Variants in GCFC2 observed in about 807,000 individuals in gnomAD.
GCFC2 encodes GC-rich sequence DNA-binding factor 2, also known as intron Large complex component GCFC2.
GCFC2 carries 102 observed loss-of-function variants against 99.4 expected under a neutral mutation model. The observed-to-expected ratio is 1.03, with a 90% CI of 0.87 to 1.21. The LOEUF is 1.21. Among genes scored for constraint, GCFC2 ranks in the 50% most tolerant of loss-of-function variants. GCFC2 has a pLI of 0.00. For missense variants in GCFC2, 973 were observed against 920.9 expected, an observed-to-expected ratio of 1.06 and a Z score of -0.73; for synonymous variants, 338 against 316.8, an observed-to-expected ratio of 1.07 and a Z score of -0.71.
chr2:75,691,609 G>C (rs1472712616), intron 7 of GCFC2, among the ~76,000 whole-genome samples: 2 of 151,898 alleles, frequency 1.3e-5, no homozygotes, highest in Non-Finnish European at 2.9e-5. Context: ...TATATAATGA[G>C]ATCTTAAAAT....
intron 7 of GCFC2, chr2:75,690,944 T>C (rs10207888): frequency 2.6e-6 from 1 of 385,942 alleles, no homozygotes; most frequent in Non-Finnish European, 4.6e-6. Flanking sequence ...CTTTGGCTGG[T>C]GTACTTTTGC....
intron 14 of GCFC2, chr2:75,670,633 G>T (rs62148722): frequency 9.1e-5 from 15 of 164,446 alleles, no homozygotes; most frequent in South Asian, 1.7e-4. Flanking sequence ...AAGAACTACT[G>T]TCAAAACTAG....
In GCFC2 at chr2:75,684,301, A is replaced by C. The variant is rs191643881; in HGVS notation, c.1690+3526T>G. ...AGTCTCTCAGACCACAGTACAATCA[A>C]ATTAGAACTCAAGATTAAGAAACTC... On this transcript the variant is annotated intron_variant, in intron 11 of 16. Transcript: ENST00000321027. 1.5e-4 allele frequency among the ~76,000 whole-genome samples: 23 copies of C among 152,352 alleles called. No homozygotes were observed. In the East Asian group the frequency reaches 3.9e-3, roughly 26 times the overall value.
At chr2:75,691,776 A>C (rs1242395008) in intron 7 of GCFC2, among the ~76,000 whole-genome samples, 1 of 152,186 alleles carries the variant, frequency 6.6e-6, no homozygotes, top group African/African-American at 2.4e-5. Flanking sequence ...ACTGGAAGTC[A>C]TGTTTATTTT....
chr2:75,696,888 C>T (rs1034096091), intron 4 of GCFC2, among the ~76,000 whole-genome samples: 1 of 152,086 alleles, frequency 6.6e-6, no homozygotes, highest in African/African-American at 2.4e-5. Context: ...TGGGTTCACG[C>T]CATTCTCCTG....
intron 2 of GCFC2, among the ~76,000 whole-genome samples, chr2:75,703,565 T>G (rs1040716182): frequency 6.6e-6 from 1 of 152,216 alleles, no homozygotes; most frequent in Non-Finnish European, 1.5e-5. Context: ...ATGAAGTGAT[T>G]TGCTTTTTTA....
intron 5 of GCFC2, among the ~76,000 whole-genome samples, chr2:75,694,960 G>C (rs868280741): frequency 8.5e-5 from 13 of 152,184 alleles, no homozygotes; most frequent in African/African-American, 2.9e-4. Context: ...ACTTCGTTCT[G>C]TATATCCTTT....
chr2:75,693,628 T>C (rs558753397), intron 6 of GCFC2, among the ~76,000 whole-genome samples: 1 of 151,850 alleles, frequency 6.6e-6, no homozygotes, highest in African/African-American at 2.4e-5. Flanking sequence ...AGAAAAACCA[T>C]TACAAACAAA....
At chr2:75,695,325 T>C (rs1028483709) in intron 5 of GCFC2, among the ~76,000 whole-genome samples, 3 of 152,206 alleles carry the variant, frequency 2.0e-5, no homozygotes, top group African/African-American at 7.2e-5. Context: ...TCCAGCCTTT[T>C]ACACAAAAAG....
chr2:75,707,996 T>C (rs189410455), intron 1 of GCFC2, among the ~76,000 whole-genome samples: 42 of 152,362 alleles, frequency 2.8e-4, no homozygotes, highest in African/African-American at 9.9e-4. Flanking sequence ...AAAGTATTCA[T>C]AAGGCACTTT....
chr2:75,709,721 T>C (rs575815915), intron 1 of GCFC2, among the ~76,000 whole-genome samples: 2 of 152,334 alleles, frequency 1.3e-5, no homozygotes, highest in East Asian at 3.9e-4. Context: ...AAAAAGTAAG[T>C]ACCTAAGGTA....
chr2:75,705,616 CAAAAAAAAAA>C (rs34447327), intron 2 of GCFC2, among the ~76,000 whole-genome samples: 8 of 84,340 alleles, frequency 9.5e-5, no homozygotes, highest in Non-Finnish European at 1.3e-4. Flanking sequence ...GACTCCATCT[CAAAAAAAAAA>C]AAAAAAAAAA....
At chr2:75,701,561 C>T (rs1680591809) in intron 3 of GCFC2, among the ~76,000 whole-genome samples, 1 of 152,174 alleles carries the variant, frequency 6.6e-6, no homozygotes, top group Admixed American at 6.5e-5. Flanking sequence ...TATCACTAAA[C>T]TGTCCCACTC....
At chr2:75,694,653 T>C (rs980060266) in intron 5 of GCFC2, among the ~76,000 whole-genome samples, 7 of 152,112 alleles carry the variant, frequency 4.6e-5, no homozygotes, top group Non-Finnish European at 1.0e-4. Context: ...GAATCTTTCT[T>C]TGCTTTATAT....
intron 14 of GCFC2, 116 bp from the exon 15 acceptor site, chr2:75,670,400 G>T: frequency 1.6e-6 from 1 of 631,122 alleles, no homozygotes; most frequent in Non-Finnish European, 2.8e-6. Context: ...AGCCCTGTTG[G>T]AACTGTCAAT....
chr2:75,678,389 T>C (rs1297654606), intron 12 of GCFC2, among the ~76,000 whole-genome samples: 1 of 152,218 alleles, frequency 6.6e-6, no homozygotes, highest in Admixed American at 6.5e-5. Flanking sequence ...TAAATATCTC[T>C]AATTCCTGCA....
At chr2:75,673,837 A>C (rs1679230661) in intron 12 of GCFC2, among the ~76,000 whole-genome samples, 1 of 152,186 alleles carries the variant, frequency 6.6e-6, no homozygotes, top group South Asian at 2.1e-4. Flanking sequence ...ATGCATGGTC[A>C]TACATTTCTA....
chr2:75,691,923 C>A (rs527508513), intron 7 of GCFC2, 54 bp downstream of exon 7: 2 of 980,552 alleles, frequency 2.0e-6, no homozygotes, highest in East Asian at 6.6e-5. Flanking sequence ...TTTTATTCTT[C>A]ACATAATTTA....
At chr2:75,692,575 A>T (rs1680132939) in intron 6 of GCFC2, among the ~76,000 whole-genome samples, 1 of 151,492 alleles carries the variant, frequency 6.6e-6, no homozygotes, top group Admixed American at 6.6e-5. Context: ...TGAACTCTGG[A>T]GGTGGAGGTT....
Sources: allele counts gnomAD v4.1 joint callset (sites outside exome capture counted in the v4.1 genomes callset), GRCh38; gene constraint gnomAD v4.1.1; transcripts MANE v1.5; gene names NCBI Gene and HGNC (gene_info 2026-07-23, HGNC 2026-07-21).